Variants in RSF1 observed in about 807,000 individuals in gnomAD.
RSF1 encodes the protein remodeling and spacing factor 1, also known as HBV pX-associated protein 8.
RSF1 carries 13 observed loss-of-function variants against 145.2 expected under a neutral mutation model. The ratio of observed to expected loss-of-function variants is 0.09; its 90% CI spans 0.06 to 0.14. RSF1 has a LOEUF of 0.14. Among genes scored for constraint, RSF1 ranks in the 10% least tolerant of loss-of-function variants. RSF1 has a pLI of 1.00. For missense variants in RSF1, 1,517 were observed against 1,718.2 expected, an observed-to-expected ratio of 0.88 and a Z score of 2.07; for synonymous variants, 577 against 592.6, an observed-to-expected ratio of 0.97 and a Z score of 0.38.
the RSF1 span, among the ~76,000 whole-genome samples, chr11:77,839,911 A>C: frequency 6.6e-6 from 1 of 152,150 alleles, no homozygotes; most frequent in Non-Finnish European, 1.5e-5. Flanking sequence ...GCAGCAAACC[A>C]CCATGGCACA....
chr11:77,676,702 C>T, intron 13 of RSF1, 90 bp downstream of exon 13: 1 of 1,048,510 alleles, frequency 9.5e-7, no homozygotes, highest in Non-Finnish European at 1.4e-6. Context: ...AAGAAGAAAA[C>T]CCTCATCACA....
the RSF1 span, chr11:77,841,003 A>C: frequency 1.9e-6 from 1 of 516,778 alleles, no homozygotes; most frequent in South Asian, 3.5e-5. Context: ...AATGAAAATA[A>C]TTTTTTTTCT....
At chr11:77,745,906 A>G (rs1199628775) in intron 3 of RSF1, among the ~76,000 whole-genome samples, 7 of 151,958 alleles carry the variant, frequency 4.6e-5, no homozygotes, top group African/African-American at 1.5e-4. Context: ...TACTAAAAAA[A>G]TTTGTAACAC....
At chr11:77,700,659 A>T in intron 6 of RSF1, 62 bp downstream of exon 6, 1 of 1,293,812 alleles carries the variant, frequency 7.7e-7, no homozygotes, top group Non-Finnish European at 1.0e-6. Flanking sequence ...TTTAGACAAA[A>T]CCAAAAAACC....
chr11:77,813,565 C>T (rs1481885899), intron 1 of RSF1: 7 of 688,098 alleles, frequency 1.0e-5, no homozygotes, highest in Non-Finnish European at 1.6e-5. Flanking sequence ...CTGATGAAGT[C>T]AGCACACACC....
chr11:77,833,011 T>A, the RSF1 span, among the ~76,000 whole-genome samples: 1,592 of 96,670 alleles, frequency 0.016, 132 homozygotes, highest in Middle Eastern at 0.044. Flanking sequence ...ATATATATAT[T>A]TTTTTTTTTT....
chr11:77,868,505 C>T, the RSF1 span, among the ~76,000 whole-genome samples: 47 of 151,690 alleles, frequency 3.1e-4, 1 homozygote, highest in Admixed American at 2.8e-3. Flanking sequence ...ACTACAGGCA[C>T]GCGCCACCAC....
intron 1 of RSF1, among the ~76,000 whole-genome samples, chr11:77,799,015 A>G (rs1948601250): frequency 6.6e-6 from 1 of 151,768 alleles, no homozygotes; most frequent in African/African-American, 2.4e-5. Flanking sequence ...AAAAACAAAA[A>G]TAAACAAATG....
chr11:77,788,029 C>A (rs1948475346), intron 1 of RSF1, among the ~76,000 whole-genome samples: 1 of 150,052 alleles, frequency 6.7e-6, no homozygotes. Flanking sequence ...GTAATAGTAA[C>A]TACTCGGGAG....
intron 1 of RSF1, among the ~76,000 whole-genome samples, chr11:77,820,301 C>T (rs1948849047): frequency 6.6e-6 from 1 of 152,214 alleles, no homozygotes; most frequent in Admixed American, 6.5e-5. Flanking sequence ...ACGCCTCCAC[C>T]TCAGCTCCCC....
chr11:77,781,407 T>A (rs1261133510), intron 1 of RSF1, among the ~76,000 whole-genome samples: 33 of 152,200 alleles, frequency 2.2e-4, no homozygotes, highest in Non-Finnish European at 2.9e-5. Flanking sequence ...CCTCCGTGTT[T>A]TGACTATTAT....
chr11:77,749,464 T>G (rs1948037445), intron 2 of RSF1, among the ~76,000 whole-genome samples: 1 of 152,124 alleles, frequency 6.6e-6, no homozygotes, highest in African/African-American at 2.4e-5. Flanking sequence ...ATGCCAAGTA[T>G]GGGGAAGCTC....
At chr11:77,802,859 T>G (rs1377138515) in intron 1 of RSF1, among the ~76,000 whole-genome samples, 1 of 151,844 alleles carries the variant, frequency 6.6e-6, no homozygotes, top group Non-Finnish European at 1.5e-5. Flanking sequence ...TTAAAAGATA[T>G]CACAAGAAAA....
chr11:77,733,950 A>T (rs1291901187), intron 4 of RSF1, among the ~76,000 whole-genome samples: 1 of 151,784 alleles, frequency 6.6e-6, no homozygotes, highest in Non-Finnish European at 1.5e-5. Flanking sequence ...TAGATGTAAA[A>T]TTTTTTTTTC....
At chr11:77,693,249 C>A (rs1225722700) in intron 8 of RSF1, among the ~76,000 whole-genome samples, 1 of 152,036 alleles carries the variant, frequency 6.6e-6, no homozygotes, top group East Asian at 1.9e-4. Flanking sequence ...ACACTTGGTG[C>A]TTTTTGTGCT....
intron 1 of RSF1, among the ~76,000 whole-genome samples, chr11:77,803,793 T>C (rs1286862521): frequency 6.6e-6 from 1 of 151,380 alleles, no homozygotes; most frequent in Admixed American, 6.6e-5. Context: ...AAAGCTGTTA[T>C]GCATGGCCAA....
upstream of RSF1, among the ~76,000 whole-genome samples, chr11:77,824,009 G>T (rs1167981734): frequency 1.3e-5 from 2 of 152,078 alleles, no homozygotes; most frequent in African/African-American, 4.8e-5. Context: ...TAGAGTTTCT[G>T]CCTTTTCTAA....
chr11:77,778,518 C>T (rs757861980), intron 1 of RSF1, among the ~76,000 whole-genome samples: 23 of 151,768 alleles, frequency 1.5e-4, no homozygotes, highest in Admixed American at 1.1e-3. Context: ...TGATAAAGTC[C>T]CCTCTAACAT....
chr11:77,807,762 A>G (rs992363790), intron 1 of RSF1, among the ~76,000 whole-genome samples: 7 of 152,220 alleles, frequency 4.6e-5, no homozygotes, highest in Admixed American at 2.0e-4. Context: ...AGGCCTAGGC[A>G]TGAGTATTTT....
Sources: allele counts gnomAD v4.1 joint callset (sites outside exome capture counted in the v4.1 genomes callset), GRCh38; gene constraint gnomAD v4.1.1; transcripts MANE v1.5; gene names NCBI Gene and HGNC (gene_info 2026-07-23, HGNC 2026-07-21).